The following FAM120B variants were observed in gnomAD, a reference collection of about 807,000 sequenced individuals.
The protein encoded by FAM120B is family with sequence similarity 120 member B.
Under a neutral mutation model 96.3 loss-of-function variants are expected in FAM120B, and 83 were observed. That is an observed-to-expected ratio of 0.86 (90% CI 0.72 to 1.03). FAM120B has a LOEUF of 1.03. Among genes scored for constraint, FAM120B ranks in the 50% least tolerant of loss-of-function variants. FAM120B has a pLI of 0.00. For synonymous variants in FAM120B, 407 were observed against 402.7 expected (o/e 1.01, Z -0.13); for missense variants, 1,027 against 1,121.2 (o/e 0.92, Z 1.20).
rs750525423 is a variant in FAM120B, at chr6:170,391,062, C to T, written c.2540C>T (p.Ala847Val). 6.2e-7 allele frequency: 1 copy of T among 1,614,168 alleles called. No individual in the cohort carries two copies. The highest frequency in any genetic ancestry group is 1.3e-5 in the African/African-American group (1 of 75,042). Residue 847 changes from alanine (A) to valine (V), a missense_variant, in exon 8 of 11, where the codon GCC (alanine) becomes GTC (valine). By Grantham distance (64) the Ala-to-Val change is moderately conservative. Around this residue, in one of 3 missense-constraint regions of FAM120B, gnomAD observed 142 missense variants for 122.5 expected, o/e 1.16. Transcript: ENST00000476287. ...FHNLKAVVCK[A>V]CMKENRRITG... ...AACCTGAAGGCAGTCGTCTGCAAGG[C>T]CTGCATGAAGGAGAACAGACGCATC...
chr6:170,319,163 A>G lies in FAM120B; in HGVS notation c.1734+39A>G, dbSNP rs753525239. Reference sequence around the variant, plus strand: ...CCCAGCCAATATGCCATGATTGAAAATATATCCGCTGATGGATTTGTTAGT... The same window carrying G: ...CCCAGCCAATATGCCATGATTGAAAGTATATCCGCTGATGGATTTGTTAGT... On this transcript the variant is annotated intron_variant, in intron 2 of 10. Transcript: ENST00000476287. 4.0e-6 allele frequency: 6 copies of G among 1,501,354 alleles called. No homozygotes were observed. The South Asian group carries it at 8.0e-5, about 20-fold the overall frequency. The allele number at this position is 1,501,354 out of a possible 1,614,324, so 93.0% of individuals were successfully genotyped here.
upstream of FAM120B, among the ~76,000 whole-genome samples, chr6:170,292,711 G>T (rs1437546209): frequency 6.6e-6 from 1 of 152,200 alleles, no homozygotes; most frequent in African/African-American, 2.4e-5. This position sits in a 1 kb window ranked among gnomAD's most constrained non-coding sequence, Gnocchi z 6.6. Context: ...CAGGCCCTCC[G>T]GCTGCTACGC....
intron 2 of FAM120B, 150 bp from the exon 3 acceptor site, chr6:170,322,929 A>G: frequency 3.2e-6 from 2 of 628,908 alleles, no homozygotes; most frequent in Non-Finnish European, 2.7e-6. Context: ...GAAAGAGAAC[A>G]TGGCAACTTG....
chr6:170,373,177 C>T (rs1789297363), intron 6 of FAM120B, among the ~76,000 whole-genome samples: 3 of 152,166 alleles, frequency 2.0e-5, no homozygotes, highest in Admixed American at 2.0e-4. Flanking sequence ...CATCAGATGC[C>T]CTGGGACCCT....
In FAM120B at chr6:170,339,195, A is replaced by T. The variant is rs190065231; in HGVS notation, c.2017+8645A>T. 9.2e-5 allele frequency among the ~76,000 whole-genome samples: 14 copies of T among 152,236 alleles called. 1 individual carries two copies. The East Asian group carries it at 1.9e-3, about 21-fold the overall frequency. On this transcript the variant is annotated intron_variant, in intron 4 of 10. Transcript: ENST00000476287. ...AGTGCTTCCTTCAGGAGCTCTTGTA[A>T]GGCAGGCCTGGTGGTAACAAAATCC...
intron 5 of FAM120B, among the ~76,000 whole-genome samples, chr6:170,350,972 G>A (rs184447582): frequency 1.9e-4 from 29 of 152,328 alleles, no homozygotes; most frequent in African/African-American, 6.5e-4. Context: ...GGCTTCAGAA[G>A]GTGGGTAATA....
intron 4 of FAM120B, among the ~76,000 whole-genome samples, chr6:170,335,658 T>C (rs961423970): frequency 5.3e-5 from 8 of 152,242 alleles, no homozygotes; most frequent in Admixed American, 5.2e-4. Flanking sequence ...TGAACTAATT[T>C]ACAGTCCCAT....
Position 170,317,901 on chromosome 6 carries a change from A to T in FAM120B, c.511A>T (p.Asn171Tyr). Residue 171 changes from asparagine to tyrosine, a missense_variant, in exon 2 of 11, where the codon AAC becomes TAC. By Grantham distance (143) the Asn-to-Tyr change is moderately radical (BLOSUM62 -2). Coordinates refer to ENST00000476287, the MANE Select transcript of FAM120B (RefSeq NM_032448.3). ...YEVASYGLQH[N>Y]CLGILGEDTD... ...GGTAGCTTCCTATGGCCTCCAGCATAACTGTCTTGGGATTCTGGGGGAAGA... is the reference window on the plus strand; with the variant it reads ...GGTAGCTTCCTATGGCCTCCAGCATTACTGTCTTGGGATTCTGGGGGAAGA... The T allele has an allele frequency of 6.2e-7, 1 of 1,614,210 alleles. No individual in the cohort carries two copies. The highest frequency in any genetic ancestry group is 8.5e-7 in the Non-Finnish European group (1 of 1,180,028).
At chr6:170,362,178 C>T (rs1340102560) in intron 6 of FAM120B, among the ~76,000 whole-genome samples, 1 of 152,208 alleles carries the variant, frequency 6.6e-6, no homozygotes, top group Non-Finnish European at 1.5e-5. Flanking sequence ...AGGTCTCCCT[C>T]TTCAAACAAC....
Position 170,307,863 on chromosome 6 carries a change from G to A in FAM120B, c.-22+1021G>A, listed in dbSNP as rs908622974. 5.3e-5 allele frequency among the ~76,000 whole-genome samples: 8 copies of A among 152,284 alleles called. No homozygotes were observed. In the East Asian group the frequency reaches 1.2e-3, roughly 22 times the overall value. On this transcript the variant is annotated intron_variant, in intron 1 of 10. Transcript: ENST00000476287. ...AACCTGGAGGTAAAGAAGTGAGAGG[G>A]TAGTCTTTCTGATGGCTTGAGCCCT...
intron 4 of FAM120B, among the ~76,000 whole-genome samples, chr6:170,331,045 G>C (rs1785997606): frequency 6.6e-6 from 1 of 152,182 alleles, no homozygotes; most frequent in Non-Finnish European, 1.5e-5. Flanking sequence ...CTGGAAAAAA[G>C]GTTATATTTT....
rs1466157922 is a variant in FAM120B, at chr6:170,405,688, A to C, written c.*937A>C. 6.6e-6 allele frequency: 1 copy of C among 152,244 alleles called. No individual in the cohort carries two copies. Among genetic ancestry groups the C allele is most frequent in the Non-Finnish European group, 1.5e-5 (1 of 68,042 alleles). 9.4% of individuals were successfully genotyped at this position (152,244 alleles called of 1,614,324 possible). On this transcript the variant is annotated 3_prime_UTR_variant, in exon 11 of 11. Coordinates refer to ENST00000476287, the MANE Select transcript of FAM120B (RefSeq NM_032448.3). ...CTCAGAAGTGTTTGAATAGAAAAGT[A>C]ACAACTAACTTCCCATCTTTCTGGT...
upstream of FAM120B, among the ~76,000 whole-genome samples, chr6:170,291,882 G>C (rs1052664664): frequency 1.2e-4 from 18 of 152,128 alleles, no homozygotes; most frequent in African/African-American, 4.1e-4. Flanking sequence ...CTCGGCCGCC[G>C]CCACCTTCCC....
rs74522878 is a variant in FAM120B at position 170,368,651 on chromosome 6, C to G, written c.2283+10333C>G. Among the ~76,000 whole-genome samples, 1,058 of 152,290 alleles carry G rather than the reference C, an allele frequency of 6.9e-3. 11 individuals carry two copies. Among genetic ancestry groups the G allele is most frequent in the African/African-American group, 0.024 (1,010 of 41,544 alleles). On this transcript the variant is annotated intron_variant, in intron 6 of 10. Transcript: ENST00000476287. ...AAAAATGCTTTCATTATTGGGCACT[C>G]AATAAAAATTTGGTGAATGAATGAA...
chr6:170,358,546 T>G (rs1233687781), intron 6 of FAM120B, among the ~76,000 whole-genome samples: 1 of 152,242 alleles, frequency 6.6e-6, no homozygotes, highest in Non-Finnish European at 1.5e-5. Context: ...AAACTTGTAG[T>G]TCTCAATACT....
At chr6:170,388,995 A>G (rs1790343334) in intron 7 of FAM120B, among the ~76,000 whole-genome samples, 1 of 152,236 alleles carries the variant, frequency 6.6e-6, no homozygotes, top group Admixed American at 6.5e-5. Flanking sequence ...TAAGAAAATC[A>G]TAAGAGAGAA....
At chr6:170,296,513 C>T (rs1013340996) in intron 1 of FAM120B, among the ~76,000 whole-genome samples, 11 of 151,778 alleles carry the variant, frequency 7.2e-5, no homozygotes, top group Non-Finnish European at 1.3e-4. Context: ...CACGCAGCCT[C>T]GCGCCCGGCC....
intron 5 of FAM120B, among the ~76,000 whole-genome samples, chr6:170,356,191 C>T (rs561497558): frequency 6.6e-6 from 1 of 152,292 alleles, no homozygotes; most frequent in Non-Finnish European, 1.5e-5. Flanking sequence ...AAAATTTCCA[C>T]TTTACCTTTT....
intron 6 of FAM120B, among the ~76,000 whole-genome samples, chr6:170,382,195 A>C (rs1409592548): frequency 6.6e-6 from 1 of 152,184 alleles, no homozygotes; most frequent in Non-Finnish European, 1.5e-5. Flanking sequence ...CTGAATTAAG[A>C]GGATTACCTA....
Sources: allele counts gnomAD v4.1 joint callset (sites outside exome capture counted in the v4.1 genomes callset), GRCh38; gene constraint gnomAD v4.1.1; regional missense constraint gnomAD v4.1.1; non-coding constraint Gnocchi (gnomAD v3.1); transcripts MANE v1.5; gene names NCBI Gene and HGNC (gene_info 2026-07-23, HGNC 2026-07-21).